Variants in FUNDC1 observed in about 807,000 individuals in gnomAD.
The protein encoded by FUNDC1 is FUN14 domain-containing protein 1.
Under a neutral mutation model 14.5 loss-of-function variants are expected in FUNDC1, and 10 were observed. That is an observed-to-expected ratio of 0.69 (90% CI 0.43 to 1.17). The LOEUF (loss-of-function observed/expected upper bound fraction) is 1.17. Ranked by LOEUF, FUNDC1 falls within the 50% of genes most tolerant of loss-of-function variation. The pLI, the probability that FUNDC1 is intolerant of heterozygous loss-of-function variation, is 0.00. For missense variants in FUNDC1, 115 were observed against 113.8 expected, an observed-to-expected ratio of 1.01 and a Z score of -0.05; for synonymous variants, 33 against 39.7, an observed-to-expected ratio of 0.83 and a Z score of 0.64.
chrX:44,536,643 A>G (rs2038950353), intron 3 of FUNDC1, among the ~76,000 whole-genome samples: 1 of 111,645 alleles, frequency 9.0e-6, no homozygotes, highest in African/African-American at 3.3e-5. Flanking sequence ...CTAAAACTGA[A>G]AGATCAAGAA....
chrX:44,527,224 T>C lies in FUNDC1; in HGVS notation c.390+13A>G, dbSNP rs766821422. On this transcript the variant is annotated intron_variant, in intron 4 of 4. Transcript: ENST00000378045. ...AAAAAAAAAAAAAAAGTCAAAATTATATATCATCTTACTTCTTCAATTAAA... is the reference window on the plus strand; with the variant it reads ...AAAAAAAAAAAAAAAGTCAAAATTACATATCATCTTACTTCTTCAATTAAA... The C allele has an allele frequency of 5.3e-6, 6 of 1,138,175 alleles. No individual in the cohort carries two copies. Among genetic ancestry groups the C allele is most frequent in the Middle Eastern group, 3.1e-4 (1 of 3,221 alleles). 93.8% of individuals were successfully genotyped at this position (1,138,175 alleles called of 1,213,427 possible). A position where few individuals can be genotyped will look rare whatever the true frequency, so the allele number is the denominator to read the frequency against.
chrX:44,529,552 T>A (rs763154605), intron 3 of FUNDC1, among the ~76,000 whole-genome samples: 14 of 111,224 alleles, frequency 1.3e-4, no homozygotes, highest in African/African-American at 4.2e-4. Flanking sequence ...AATCTCTATA[T>A]CCCTAGAGTC....
intron 3 of FUNDC1, among the ~76,000 whole-genome samples, chrX:44,528,931 G>A (rs1477069995): frequency 3.6e-5 from 4 of 111,200 alleles, no homozygotes; most frequent in Non-Finnish European, 1.9e-5. Flanking sequence ...TCCTGACCTC[G>A]TGATCCACCC....
intron 3 of FUNDC1, among the ~76,000 whole-genome samples, chrX:44,529,429 C>T (rs1037181715): frequency 1.8e-5 from 2 of 109,839 alleles, no homozygotes; most frequent in African/African-American, 6.6e-5. Context: ...AAGATACTAA[C>T]GCCTCTTTGG....
chrX:44,525,710 G>T (rs992866104), intron 4 of FUNDC1, among the ~76,000 whole-genome samples: 1 of 108,491 alleles, frequency 9.2e-6, no homozygotes, highest in Non-Finnish European at 1.9e-5. Flanking sequence ...AAAATTAGCT[G>T]GGCATGCACC....
At chrX:44,538,280 G>A (rs763590503) in intron 3 of FUNDC1, among the ~76,000 whole-genome samples, 187 bp downstream of exon 3, 22 of 112,501 alleles carry the variant, frequency 2.0e-4, no homozygotes, top group Non-Finnish European at 3.8e-4. Flanking sequence ...CAATGCGCTC[G>A]GTAATGGCTG....
chrX:44,535,345 G>T (rs945227311), intron 3 of FUNDC1, among the ~76,000 whole-genome samples: 1 of 109,948 alleles, frequency 9.1e-6, no homozygotes, highest in African/African-American at 3.3e-5. Context: ...ACAATGAAAG[G>T]TGATTTACAC....
chrX:44,538,760 C>T (rs540662071), intron 2 of FUNDC1, among the ~76,000 whole-genome samples: 6 of 110,867 alleles, frequency 5.4e-5, no homozygotes, highest in South Asian at 3.8e-4. Flanking sequence ...AAATAAGGGA[C>T]GGAGAGAAGA....
chrX:44,528,020 A>G lies in FUNDC1; in HGVS notation c.262-655T>C, dbSNP rs749298741. On this transcript the variant is annotated intron_variant, in intron 3 of 4. Coordinates refer to ENST00000378045, the MANE Select transcript of FUNDC1 (RefSeq NM_173794.4). ...ATAGCTAAATGCCTATCATAAGAAA[A>G]ATTATCATATGGTACTACTGAGAGA... Among the ~76,000 whole-genome samples, 10 of 111,971 alleles carry G rather than the reference A, an allele frequency of 8.9e-5. No homozygotes were observed. The Admixed American group carries it at 9.6e-4, about 11-fold the overall frequency.
At chrX:44,538,169 A>G (rs983593251) in intron 3 of FUNDC1, among the ~76,000 whole-genome samples, 4 of 111,738 alleles carry the variant, frequency 3.6e-5, no homozygotes, top group Non-Finnish European at 5.6e-5. Flanking sequence ...TTTTCAGTAG[A>G]GACGGGATTT....
rs1171589451 is a variant in FUNDC1, at chrX:44,524,625, C to CA, written c.391-351dup. 5.5e-5 allele frequency among the ~76,000 whole-genome samples: 6 copies of CA among 109,995 alleles called. No homozygotes were observed. In the East Asian group the frequency reaches 8.6e-4, roughly 16 times the overall value. On this transcript the variant is annotated intron_variant, in intron 4 of 4. Transcript: ENST00000378045. ...TATTTTACCACAATAAAAAGATGCA[C>CA]AAAAAAAAATTCTTACTGAATCCAG...
chrX:44,540,116 C>T (rs1287506623), intron 2 of FUNDC1, among the ~76,000 whole-genome samples: 1 of 110,965 alleles, frequency 9.0e-6, no homozygotes, highest in Non-Finnish European at 1.9e-5. Context: ...AGGACCCATC[C>T]TAATAGTTTT....
At chrX:44,527,418 T>A in intron 3 of FUNDC1, 53 bp from the exon 4 acceptor site, 1 of 925,615 alleles carries the variant, frequency 1.1e-6, no homozygotes, top group Non-Finnish European at 1.5e-6. Flanking sequence ...GGTTGCTGAC[T>A]ATAATAGCCA....
At chrX:44,541,039 G>A (rs980409396) in intron 2 of FUNDC1, among the ~76,000 whole-genome samples, 12 of 111,953 alleles carry the variant, frequency 1.1e-4, no homozygotes, top group African/African-American at 3.6e-4. Context: ...TTATTCCAAG[G>A]TGCATGTAAA....
At chrX:44,533,413 A>G (rs1212501191) in intron 3 of FUNDC1, among the ~76,000 whole-genome samples, 1 of 108,487 alleles carries the variant, frequency 9.2e-6, no homozygotes, top group East Asian at 3.0e-4. Context: ...GCAGATCATG[A>G]GGTCAGGAGA....
At position 44,531,315 on chromosome X, in the gene FUNDC1, GACACACACAC is replaced by G. The variant is rs766982993; in HGVS notation, c.262-3960_262-3951del. ...TTCAGATGAAGATTCATGTTGGCCA[GACACACACAC>G]ACACACACACACACACACACACACA... On this transcript the variant is annotated intron_variant, in intron 3 of 4. Coordinates refer to ENST00000378045, the MANE Select transcript of FUNDC1 (RefSeq NM_173794.4). Among the ~76,000 whole-genome samples the G allele has an allele frequency of 1.0e-2, 188 of 18,844 alleles. 5 individuals are homozygous for G. The highest frequency in any genetic ancestry group is 0.028 in the South Asian group (10 of 360). The allele number at this position is 18,844 out of a possible 115,157, so 16.4% of individuals were successfully genotyped here. A position where few individuals can be genotyped will look rare whatever the true frequency, so the allele number is the denominator to read the frequency against.
chrX:44,525,735 C>T (rs973816468), intron 4 of FUNDC1, among the ~76,000 whole-genome samples: 6 of 109,346 alleles, frequency 5.5e-5, no homozygotes, highest in East Asian at 3.0e-4. Flanking sequence ...GTCCCAGCTA[C>T]TTGAGAGGCT....
chrX:44,536,087 G>A (rs1055034191), intron 3 of FUNDC1, among the ~76,000 whole-genome samples: 2 of 109,488 alleles, frequency 1.8e-5, no homozygotes, highest in Admixed American at 2.0e-4. Flanking sequence ...GCCGAGGCGG[G>A]TGGATCAATA....
intron 4 of FUNDC1, among the ~76,000 whole-genome samples, chrX:44,526,890 T>C (rs1166232158): frequency 9.1e-6 from 1 of 110,426 alleles, no homozygotes; most frequent in Non-Finnish European, 1.9e-5. Context: ...TTTCAAACTA[T>C]CCTCAAGAAA....
Sources: allele counts gnomAD v4.1 joint callset (sites outside exome capture counted in the v4.1 genomes callset), GRCh38; gene constraint gnomAD v4.1.1; transcripts MANE v1.5; gene names NCBI Gene and HGNC (gene_info 2026-07-23, HGNC 2026-07-21).